PDSS2: variants seen among roughly 807,000 people sequenced by gnomAD.
PDSS2 encodes decaprenyl diphosphate synthase subunit 2, also known as all trans-polyprenyl-diphosphate synthase PDSS2.
PDSS2 carries 31 observed loss-of-function variants against 44.5 expected under a neutral mutation model. That is an observed-to-expected ratio of 0.70 (90% CI 0.52 to 0.94). PDSS2 has a LOEUF of 0.94. Ranked by LOEUF, PDSS2 falls within the 40% of genes least tolerant of loss-of-function variation. The pLI is 0.00. For synonymous variants in PDSS2, 157 were observed against 180.3 expected (o/e 0.87, Z 1.03); for missense variants, 452 against 482.2 (o/e 0.94, Z 0.59).
intron 4 of PDSS2, among the ~76,000 whole-genome samples, chr6:107,223,510 G>A (rs1773686855): frequency 6.6e-6 from 1 of 150,892 alleles, no homozygotes; most frequent in Admixed American, 6.6e-5. Flanking sequence ...GCTCCAGGAT[G>A]GGTGACAGAG....
intron 6 of PDSS2, among the ~76,000 whole-genome samples, chr6:107,210,096 T>C (rs1461312441): frequency 2.0e-5 from 3 of 152,032 alleles, no homozygotes; most frequent in Non-Finnish European, 1.5e-5. Flanking sequence ...AGTCCACAGA[T>C]GGGAAATTGC....
At chr6:107,307,493 T>C (rs927206589) in intron 2 of PDSS2, among the ~76,000 whole-genome samples, 2 of 151,216 alleles carry the variant, frequency 1.3e-5, no homozygotes, top group Non-Finnish European at 2.9e-5. Flanking sequence ...TACCTCCAAC[T>C]CACAGATGGG....
At chr6:107,261,903 TTTTC>T (rs1562416901) in intron 3 of PDSS2, among the ~76,000 whole-genome samples, 17 of 82,748 alleles carry the variant, frequency 2.1e-4, no homozygotes, top group Non-Finnish European at 4.5e-4. Flanking sequence ...CTTTTCTTTC[TTTTC>T]TTTTTTTTTT....
intron 2 of PDSS2, among the ~76,000 whole-genome samples, chr6:107,302,493 C>T (rs1166225069): frequency 6.6e-6 from 1 of 151,984 alleles, no homozygotes; most frequent in Non-Finnish European, 1.5e-5. Context: ...GTTTCAAACT[C>T]CTGGTGTCAA....
intron 4 of PDSS2, among the ~76,000 whole-genome samples, chr6:107,221,603 A>AT (rs771630305): frequency 2.6e-4 from 39 of 152,156 alleles, no homozygotes; most frequent in Non-Finnish European, 5.3e-4. Flanking sequence ...GGCTGGTTCA[A>AT]ATAACATGGG....
intron 6 of PDSS2, among the ~76,000 whole-genome samples, chr6:107,206,993 A>C (rs1178831127): frequency 6.9e-6 from 1 of 144,478 alleles, no homozygotes; most frequent in Admixed American, 7.3e-5. Flanking sequence ...ATTTGCTATT[A>C]TTGTTTTTTT....
chr6:107,239,634 C>CTTTTTTT (rs1177940710), intron 4 of PDSS2, among the ~76,000 whole-genome samples: 34 of 76,934 alleles, frequency 4.4e-4, no homozygotes, highest in Admixed American at 7.2e-4. Flanking sequence ...TGTACTCTAC[C>CTTTTTTT]TTTTTTTTTT....
chr6:107,322,773 T>C (rs1233694896), intron 2 of PDSS2, among the ~76,000 whole-genome samples: 2 of 152,004 alleles, frequency 1.3e-5, no homozygotes, highest in South Asian at 2.1e-4. Context: ...CAGTGAGCCA[T>C]TATCGTTCCA....
chr6:107,402,077 G>A (rs1429905484), intron 1 of PDSS2, among the ~76,000 whole-genome samples: 2 of 152,028 alleles, frequency 1.3e-5, no homozygotes, highest in East Asian at 1.9e-4. Flanking sequence ...TCAGGAGTTC[G>A]AGACCAGTCT....
intron 1 of PDSS2, among the ~76,000 whole-genome samples, chr6:107,349,042 A>ATAT (rs1778343409): frequency 6.6e-6 from 1 of 152,198 alleles, no homozygotes; most frequent in Non-Finnish European, 1.5e-5. Flanking sequence ...AACTTATAGA[A>ATAT]AAGTTACAAG....
At chr6:107,371,071 T>G (rs1191465160) in intron 1 of PDSS2, among the ~76,000 whole-genome samples, 2 of 151,858 alleles carry the variant, frequency 1.3e-5, no homozygotes, top group Admixed American at 1.3e-4. Context: ...GCCCAGCTAC[T>G]CAGGAGGCTG....
At chr6:107,384,439 G>A (rs193269091) in intron 1 of PDSS2, among the ~76,000 whole-genome samples, 6 of 152,260 alleles carry the variant, frequency 3.9e-5, no homozygotes, top group Non-Finnish European at 5.9e-5. Context: ...TCAGGAGTTC[G>A]AGACCAGCCT....
chr6:107,321,944 A>T (rs1777394257), intron 2 of PDSS2, among the ~76,000 whole-genome samples: 1 of 152,106 alleles, frequency 6.6e-6, no homozygotes, highest in South Asian at 2.1e-4. Context: ...CTGCAAACTG[A>T]TTCATCATGA....
intron 1 of PDSS2, among the ~76,000 whole-genome samples, chr6:107,437,149 G>A (rs1292546616): frequency 2.6e-5 from 4 of 152,104 alleles, no homozygotes; most frequent in Admixed American, 6.5e-5. Context: ...ACAGGTGTGT[G>A]CCATCGCACT....
At chr6:107,375,632 G>A (rs1779262773) in intron 1 of PDSS2, among the ~76,000 whole-genome samples, 1 of 152,158 alleles carries the variant, frequency 6.6e-6, no homozygotes. Context: ...TCAGAAAACA[G>A]AAGAAAGCAC....
At chr6:107,266,691 C>G (rs1344448274) in intron 3 of PDSS2, among the ~76,000 whole-genome samples, 1 of 152,146 alleles carries the variant, frequency 6.6e-6, no homozygotes, top group Non-Finnish European at 1.5e-5. Flanking sequence ...AAGCTTCAGG[C>G]TGAATAGTTG....
At chr6:107,420,223 T>C (rs371816633) in intron 1 of PDSS2, among the ~76,000 whole-genome samples, 1 of 152,196 alleles carries the variant, frequency 6.6e-6, no homozygotes, top group Non-Finnish European at 1.5e-5. Context: ...TCCCACCCTC[T>C]GCTCAACTGG....
At chr6:107,175,359 G>T (rs1771753102) in intron 7 of PDSS2, among the ~76,000 whole-genome samples, 1 of 152,136 alleles carries the variant, frequency 6.6e-6, no homozygotes, top group Non-Finnish European at 1.5e-5. Flanking sequence ...AGAGCAAGTT[G>T]TCCAAAGTAA....
At chr6:107,458,811 A>T (rs1782141805) in intron 1 of PDSS2, among the ~76,000 whole-genome samples, 179 bp downstream of exon 1, 1 of 152,216 alleles carries the variant, frequency 6.6e-6, no homozygotes, top group African/African-American at 2.4e-5. Context: ...CAGCTGAGCA[A>T]GAACGTTAAG....
Sources: gnomAD v4.1 joint callset for allele counts (sites outside exome capture counted in the v4.1 genomes callset) on GRCh38, gnomAD v4.1.1 for gene constraint, MANE v1.5 for transcripts, NCBI Gene and HGNC (gene_info 2026-07-23, HGNC 2026-07-21) for gene names.